Variants in FOXP1 observed in about 807,000 individuals in gnomAD.
The protein encoded by FOXP1 is forkhead box P1, also known as forkhead box protein P1.
A neutral mutation model predicts 98.2 loss-of-function variants in FOXP1; 15 were observed. The ratio of observed to expected loss-of-function variants is 0.15; its 90% CI spans 0.10 to 0.24. FOXP1 has a LOEUF of 0.24. Ranked by LOEUF, FOXP1 falls within the 10% of genes least tolerant of loss-of-function variation. The probability of loss-of-function intolerance (pLI) is 1.00; values close to 1 mark genes in which losing one functional copy is unlikely to be tolerated. For synonymous variants in FOXP1, 371 were observed against 314.5 expected (o/e 1.18, Z -1.90); for missense variants, 633 against 848.5 (o/e 0.75, Z 3.15).
chr3:71,122,450 A>G (rs1435711339), intron 6 of FOXP1, among the ~76,000 whole-genome samples: 3 of 152,224 alleles, frequency 2.0e-5, no homozygotes, highest in African/African-American at 7.2e-5. Flanking sequence ...AATATTCTCC[A>G]TTAATTTACA....
At chr3:71,395,255 G>A (rs770648246) in intron 3 of FOXP1, among the ~76,000 whole-genome samples, 11 of 151,234 alleles carry the variant, frequency 7.3e-5, no homozygotes, top group Admixed American at 2.0e-4. Context: ...AAAGTAATAG[G>A]TAGAAGAATA....
At chr3:71,045,273 T>C (rs1465829581) in intron 10 of FOXP1, among the ~76,000 whole-genome samples, 2 of 152,208 alleles carry the variant, frequency 1.3e-5, no homozygotes, top group East Asian at 3.9e-4. Context: ...TCTGATATGT[T>C]ACTGCAGAGA....
At chr3:71,573,667 A>G (rs2047511686) in intron 2 of FOXP1, 1 of 152,174 alleles carries the variant, frequency 6.6e-6, no homozygotes, top group African/African-American at 2.4e-5. Context: ...ATAAAAGAAA[A>G]CTGGGGACTG....
At chr3:71,357,760 T>C (rs756041771) in intron 4 of FOXP1, among the ~76,000 whole-genome samples, 22 of 152,248 alleles carry the variant, frequency 1.4e-4, no homozygotes, top group Non-Finnish European at 2.8e-4. Flanking sequence ...CCATGTGACC[T>C]TGAAGATGAA....
At chr3:71,560,908 G>A (rs180887480) in intron 2 of FOXP1, among the ~76,000 whole-genome samples, 245 of 152,312 alleles carry the variant, frequency 1.6e-3, no homozygotes, top group African/African-American at 5.7e-3. Context: ...GGAGTTGGAA[G>A]GAAATGGGGT....
chr3:71,433,760 C>A (rs529056090), intron 3 of FOXP1, among the ~76,000 whole-genome samples: 2 of 152,170 alleles, frequency 1.3e-5, no homozygotes, highest in Non-Finnish European at 2.9e-5. Context: ...TCCAATCCCC[C>A]ACGTGAGTTT....
chr3:71,470,944 C>G (rs1359988034), intron 3 of FOXP1, among the ~76,000 whole-genome samples: 1 of 152,194 alleles, frequency 6.6e-6, no homozygotes, highest in Non-Finnish European at 1.5e-5. Flanking sequence ...TAAGCCTCAG[C>G]TTCCTACCTC....
chr3:71,079,265 A>C (rs1195950836), intron 7 of FOXP1, among the ~76,000 whole-genome samples: 2 of 152,102 alleles, frequency 1.3e-5, no homozygotes, highest in Non-Finnish European at 2.9e-5. Context: ...CCCCCCACCT[A>C]GGTCTCAACT....
intron 6 of FOXP1, among the ~76,000 whole-genome samples, chr3:71,125,027 G>C (rs1429823147): frequency 6.6e-6 from 1 of 152,210 alleles, no homozygotes; most frequent in Non-Finnish European, 1.5e-5. Context: ...TGACATGCAG[G>C]TGAGAATCCT....
chr3:71,142,160 A>G (rs1032928528), intron 6 of FOXP1, among the ~76,000 whole-genome samples: 4 of 152,216 alleles, frequency 2.6e-5, no homozygotes, highest in African/African-American at 9.6e-5. Flanking sequence ...AAAACCTGTA[A>G]AAACATTAAG....
chr3:71,286,335 C>T (rs1390452312), intron 5 of FOXP1, among the ~76,000 whole-genome samples: 2 of 148,752 alleles, frequency 1.3e-5, no homozygotes, highest in African/African-American at 5.0e-5. Context: ...CGCCAGCACA[C>T]AGCTCAATTT....
intron 5 of FOXP1, among the ~76,000 whole-genome samples, chr3:71,212,949 A>AATATATATAT (rs3033230): frequency 2.8e-4 from 42 of 147,860 alleles, no homozygotes; most frequent in African/African-American, 9.9e-4. Flanking sequence ...ACAAAATGGG[A>AATATATATAT]ATATATATAT....
At chr3:71,130,578 G>C in intron 6 of FOXP1, 1 of 1,598,414 alleles carries the variant, frequency 6.3e-7, no homozygotes, top group Non-Finnish European at 8.5e-7. Flanking sequence ...ATGGGTTCTG[G>C]CTGTTTCTGC....
intron 6 of FOXP1, among the ~76,000 whole-genome samples, chr3:71,141,339 G>T (rs994961347): frequency 6.7e-6 from 1 of 149,558 alleles, no homozygotes; most frequent in Non-Finnish European, 1.5e-5. Context: ...CTCATCACAC[G>T]CCTCCTTTCC....
At chr3:71,315,023 A>C (rs1307644111) in intron 4 of FOXP1, among the ~76,000 whole-genome samples, 2 of 150,030 alleles carry the variant, frequency 1.3e-5, no homozygotes, top group African/African-American at 5.0e-5. Context: ...AGCGGGAATA[A>C]GGCTGGGATA....
intron 2 of FOXP1, among the ~76,000 whole-genome samples, chr3:71,544,978 C>T (rs1469869753): frequency 6.6e-6 from 1 of 152,088 alleles, no homozygotes; most frequent in Non-Finnish European, 1.5e-5. Flanking sequence ...AAGCAATACG[C>T]TGAATTTGCT....
intron 5 of FOXP1, among the ~76,000 whole-genome samples, chr3:71,233,246 G>A (rs2066478267): frequency 7.2e-6 from 1 of 138,360 alleles, no homozygotes; most frequent in African/African-American, 2.6e-5. Context: ...GAGGGAAGGG[G>A]AGAGGAGGGA....
chr3:71,386,326 G>C (rs1033173062), intron 3 of FOXP1, among the ~76,000 whole-genome samples: 3 of 152,172 alleles, frequency 2.0e-5, no homozygotes, highest in African/African-American at 7.2e-5. Context: ...GTCCTCAAAA[G>C]GCTGATTCTT....
chr3:71,088,028 G>A (rs145920569), intron 7 of FOXP1, among the ~76,000 whole-genome samples: 8 of 152,316 alleles, frequency 5.3e-5, no homozygotes, highest in African/African-American at 1.9e-4. Context: ...AGAAGGCTAA[G>A]CCAGGGCTGT....
Sources: gnomAD v4.1 joint callset for allele counts (sites outside exome capture counted in the v4.1 genomes callset) on GRCh38, gnomAD v4.1.1 for gene constraint, MANE v1.5 for transcripts, NCBI Gene and HGNC (gene_info 2026-07-23, HGNC 2026-07-21) for gene names.